UTRN: variants seen among roughly 807,000 people sequenced by gnomAD.
UTRN encodes the protein dystrophin-related protein 1.
Under a neutral mutation model 463.9 loss-of-function variants are expected in UTRN, and 283 were observed. The ratio of observed to expected loss-of-function variants is 0.61; its 90% CI spans 0.55 to 0.67. The LOEUF is 0.67. Ranked by LOEUF, UTRN falls within the 30% of genes least tolerant of loss-of-function variation. The probability of loss-of-function intolerance (pLI) is 0.00; values close to 1 mark genes in which losing one functional copy is unlikely to be tolerated. For synonymous variants in UTRN, 1,442 were observed against 1,431.5 expected, an observed-to-expected ratio of 1.01 and a Z score of -0.17; for missense variants, 3,922 against 4,084.3, an observed-to-expected ratio of 0.96 and a Z score of 1.08.
intron 51 of UTRN, chr6:144,583,563 T>C (rs1338122260): frequency 1.4e-6 from 1 of 714,952 alleles, no homozygotes; most frequent in Non-Finnish European, 2.6e-6. Context: ...TTACAAAGGA[T>C]GGCAGTTTCT....
chr6:144,363,652 G>T (rs1176035468), intron 2 of UTRN, among the ~76,000 whole-genome samples: 1 of 152,126 alleles, frequency 6.6e-6, no homozygotes, highest in East Asian at 1.9e-4. Flanking sequence ...TCATATAGGC[G>T]TGTATATATA....
chr6:144,637,068 A>G (rs928742919), intron 51 of UTRN, among the ~76,000 whole-genome samples: 2 of 152,212 alleles, frequency 1.3e-5, no homozygotes, highest in Non-Finnish European at 2.9e-5. Flanking sequence ...GCCTGGGCTC[A>G]GGAAATCCTC....
chr6:144,509,876 C>G (rs938183533), intron 34 of UTRN, among the ~76,000 whole-genome samples: 10 of 152,094 alleles, frequency 6.6e-5, no homozygotes, highest in African/African-American at 2.2e-4. Context: ...AAATGCTATT[C>G]TAGTCAATCA....
intron 2 of UTRN, among the ~76,000 whole-genome samples, chr6:144,355,761 C>T (rs956253228): frequency 5.3e-5 from 8 of 151,928 alleles, no homozygotes; most frequent in Non-Finnish European, 1.2e-4. Flanking sequence ...ATCTTGTTAC[C>T]CAGTTTTCCC....
Position 144,850,973 on chromosome 6 carries a change from T to G in UTRN, c.10294-16T>G. ...TTTGTGCAAATTTCTGACAGTGCTA[T>G]TTTCCCTTCCCATAGGCAATGTGAA... On this transcript the variant is annotated splice_polypyrimidine_tract_variant and intron_variant, in intron 74 of 74. Coordinates refer to ENST00000367545, the MANE Select transcript of UTRN (RefSeq NM_007124.3). 1.2e-6 allele frequency: 2 copies of G among 1,613,608 alleles called. No individual in the cohort carries two copies. Among genetic ancestry groups the G allele is most frequent in the African/African-American group, 1.3e-5 (1 of 74,992 alleles).
chr6:144,449,009 A>G (rs561142519), intron 17 of UTRN, among the ~76,000 whole-genome samples: 1 of 152,138 alleles, frequency 6.6e-6, no homozygotes, highest in Non-Finnish European at 1.5e-5. Context: ...AATTGGGAGA[A>G]CTTTGTGATC....
chr6:144,399,178 A>C (rs1464066624), intron 2 of UTRN, among the ~76,000 whole-genome samples: 1 of 152,014 alleles, frequency 6.6e-6, no homozygotes, highest in Non-Finnish European at 1.5e-5. Flanking sequence ...ACATATTTAT[A>C]ATATTTTACA....
At chr6:144,768,948 G>GTTTTTTTTT (rs35525101) in intron 58 of UTRN, among the ~76,000 whole-genome samples, 12 of 126,058 alleles carry the variant, frequency 9.5e-5, no homozygotes, top group East Asian at 7.1e-4. Context: ...TTTGTTTTTT[G>GTTTTTTTTT]TTTTGTTTTG....
chr6:144,485,649 A>G (rs1238614329), intron 28 of UTRN, 130 bp downstream of exon 28: 3 of 1,310,610 alleles, frequency 2.3e-6, no homozygotes, highest in South Asian at 1.5e-5. Context: ...TGTCACTTGC[A>G]TTTTCTTCCA....
chr6:144,739,699 C>T (rs971797212), intron 54 of UTRN, among the ~76,000 whole-genome samples: 1 of 152,158 alleles, frequency 6.6e-6, no homozygotes, highest in Non-Finnish European at 1.5e-5. Context: ...GTCTTCTTCT[C>T]TGCTTCTCTG....
In UTRN at chr6:144,827,214, A is replaced by G. The variant is rs577495901; in HGVS notation, c.9495-134A>G. On this transcript the variant is annotated intron_variant, in intron 66 of 74. Coordinates refer to ENST00000367545, the MANE Select transcript of UTRN (RefSeq NM_007124.3). ...GACTTCTGTTACTTTTGATTTCCCC[A>G]TGGTGGCTCTCAGGGCAACCACATA... is the stretch of plus-strand genomic sequence containing the variant. 9.1e-5 allele frequency: 90 copies of G among 988,690 alleles called. No individual in the cohort carries two copies. The African/African-American group carries it at 1.3e-3, about 14-fold the overall frequency. 61.2% of individuals were successfully genotyped at this position (988,690 alleles called of 1,614,324 possible). A position where few individuals can be genotyped will look rare whatever the true frequency, so the allele number is the denominator to read the frequency against.
intron 4 of UTRN, 54 bp downstream of exon 4, chr6:144,422,024 A>G (rs1784875991): frequency 1.3e-6 from 2 of 1,482,014 alleles, no homozygotes; most frequent in Non-Finnish European, 9.3e-7. Flanking sequence ...CTGATACTTG[A>G]TGACCCAGTG....
At chr6:144,295,629 C>T (rs1322558096) in intron 2 of UTRN, among the ~76,000 whole-genome samples, 1 of 152,176 alleles carries the variant, frequency 6.6e-6, no homozygotes, top group Non-Finnish European at 1.5e-5. Flanking sequence ...GTTGAGGGAA[C>T]CTTAAACGCC....
intron 9 of UTRN, among the ~76,000 whole-genome samples, chr6:144,433,399 G>A (rs1219104092): frequency 2.7e-5 from 4 of 149,100 alleles, no homozygotes; most frequent in African/African-American, 7.5e-5. Flanking sequence ...GGTGGCTGCC[G>A]GGCGGAGACG....
rs754162527 is a variant in UTRN at position 144,499,343 on chromosome 6, T to G, written c.4680T>G (p.Leu1560=). 1 of 1,613,968 alleles carries G rather than the reference T, an allele frequency of 6.2e-7. No individual in the cohort carries two copies. The highest frequency in any genetic ancestry group is 8.5e-7 in the Non-Finnish European group (1 of 1,179,914). The change falls in exon 34 of 75, where the codon CTT becomes CTG. Residue 1560 remains leucine (L), a synonymous_variant. Transcript: ENST00000367545. The part of the protein sequence containing the change: ...KKEAASLSEW[L]SATETELVQK... ...AGGCTGCTTCTCTCTCTGAATGGCT[T>G]TCTGCTACTGAAACTGAATTGGTAC...
At chr6:144,325,877 A>AT (rs987663951) in intron 2 of UTRN, among the ~76,000 whole-genome samples, 3 of 151,388 alleles carry the variant, frequency 2.0e-5, no homozygotes, top group African/African-American at 7.4e-5. Flanking sequence ...ACAGAATGTG[A>AT]TAAAAAAAAA....
chr6:144,744,352 G>A (rs4487598), intron 54 of UTRN, among the ~76,000 whole-genome samples: 40,529 of 135,484 alleles, frequency 0.3, 7,396 homozygotes, highest in East Asian at 0.79. Flanking sequence ...GTGTGTGTGT[G>A]TATAAAATTT....
chr6:144,358,998 TAG>T (rs1231763079), intron 2 of UTRN, among the ~76,000 whole-genome samples: 1 of 152,252 alleles, frequency 6.6e-6, no homozygotes, highest in Non-Finnish European at 1.5e-5. Flanking sequence ...TTCTGTTAGG[TAG>T]TTATACCATC....
chr6:144,759,437 ATT>A (rs746012577), intron 58 of UTRN, among the ~76,000 whole-genome samples: 1 of 152,150 alleles, frequency 6.6e-6, no homozygotes, highest in Non-Finnish European at 1.5e-5. Flanking sequence ...AATCTTACAA[ATT>A]TAGATATAAA....
Sources: gnomAD v4.1 joint callset for allele counts (sites outside exome capture counted in the v4.1 genomes callset) on GRCh38, gnomAD v4.1.1 for gene constraint, MANE v1.5 for transcripts, NCBI Gene and HGNC (gene_info 2026-07-23, HGNC 2026-07-21) for gene names.